The following OSBP variants were observed in gnomAD, a reference collection of about 807,000 sequenced individuals.
The protein encoded by OSBP is oxysterol-binding protein 1.
OSBP carries 32 observed loss-of-function variants against 96.6 expected under a neutral mutation model. The ratio of observed to expected loss-of-function variants is 0.33; its 90% CI spans 0.25 to 0.45. OSBP has a LOEUF of 0.45. OSBP is among the 20% of genes least tolerant of loss of function. The pLI is 1.00. For synonymous variants in OSBP, 369 were observed against 389.6 expected, an observed-to-expected ratio of 0.95 and a Z score of 0.62; for missense variants, 653 against 1,029.7, an observed-to-expected ratio of 0.63 and a Z score of 5.01.
At chr11:59,601,441 T>C in intron 4 of OSBP, 56 bp from the exon 5 acceptor site, 1 of 1,337,802 alleles carries the variant, frequency 7.5e-7, no homozygotes, top group Non-Finnish European at 1.1e-6. Context: ...AAATGTCTGA[T>C]ATAGCAAGTT....
chr11:59,598,909 T>C (rs1238571868), intron 7 of OSBP, among the ~76,000 whole-genome samples: 1 of 152,190 alleles, frequency 6.6e-6, no homozygotes, highest in East Asian at 1.9e-4. Context: ...CCTTAAATGG[T>C]ACAGCCTTTC....
chr11:59,607,100 G>GT (rs1403553077), intron 3 of OSBP, among the ~76,000 whole-genome samples: 2 of 151,888 alleles, frequency 1.3e-5, no homozygotes, highest in Non-Finnish European at 2.9e-5. Flanking sequence ...TTACATCAAG[G>GT]TAAAAAAAAA....
intron 3 of OSBP, 86 bp from the exon 4 acceptor site, chr11:59,601,924 C>T: frequency 1.6e-6 from 2 of 1,248,014 alleles, no homozygotes; most frequent in Non-Finnish European, 2.3e-6. Context: ...TAACCTTATT[C>T]TGGGAACTTT....
chr11:59,603,590 G>A (rs757297339), intron 3 of OSBP, among the ~76,000 whole-genome samples: 1 of 138,008 alleles, frequency 7.2e-6, no homozygotes, highest in Non-Finnish European at 1.5e-5. Context: ...AGGTTGGAGT[G>A]CAGTGGCACA....
intron 9 of OSBP, among the ~76,000 whole-genome samples, chr11:59,588,556 AT>A (rs1860532109): frequency 6.6e-6 from 1 of 150,412 alleles, no homozygotes; most frequent in African/African-American, 2.5e-5. Context: ...AAAAAAAATT[AT>A]TTTTTAATGT....
intron 9 of OSBP, among the ~76,000 whole-genome samples, chr11:59,582,241 C>T (rs1268997913): frequency 1.3e-5 from 2 of 152,216 alleles, no homozygotes; most frequent in African/African-American, 2.4e-5. Context: ...CCAGGCTCCA[C>T]CATGTGATTA....
At chr11:59,600,980 T>C (rs1254300359) in intron 5 of OSBP, 107 bp from the exon 6 acceptor site, 22 of 862,678 alleles carry the variant, frequency 2.6e-5, no homozygotes, top group East Asian at 2.5e-5. Flanking sequence ...TATAAACTTA[T>C]TGATGGGTGA....
rs753163572 is a variant in OSBP at position 59,578,350 on chromosome 11, G to T, written c.1879-20C>A. Reference sequence around the variant, plus strand: ...CGTCACCTGCAAGGGTGGAGAACAGGGCTTGGCTATATAGAATTCACTGTG... The same window carrying T: ...CGTCACCTGCAAGGGTGGAGAACAGTGCTTGGCTATATAGAATTCACTGTG... On this transcript the variant is annotated intron_variant, in intron 11 of 13. Transcript: ENST00000263847. 6.2e-7 allele frequency: 1 copy of T among 1,610,968 alleles called. No homozygotes were observed.
intron 9 of OSBP, among the ~76,000 whole-genome samples, chr11:59,590,963 ATTTTTGTT>A (rs908225271): frequency 7.2e-5 from 11 of 152,204 alleles, no homozygotes; most frequent in African/African-American, 2.4e-4. Context: ...GAAGATGGGG[ATTTTTGTT>A]TTGTTCACTT....
intron 9 of OSBP, 69 bp from the exon 10 acceptor site, chr11:59,581,623 A>T: frequency 1.3e-6 from 1 of 772,280 alleles, no homozygotes; most frequent in Non-Finnish European, 2.3e-6. Flanking sequence ...GCCTCAAAAC[A>T]GTAATGGATT....
intron 3 of OSBP, among the ~76,000 whole-genome samples, chr11:59,606,451 A>G (rs1860782191): frequency 6.6e-6 from 1 of 151,988 alleles, no homozygotes; most frequent in Admixed American, 6.5e-5. Flanking sequence ...AAAAAAACAC[A>G]TCTTCTCACT....
Position 59,610,596 on chromosome 11 carries a change from T to C in OSBP, c.363-7A>G. On this transcript the variant is annotated splice_region_variant and splice_polypyrimidine_tract_variant and intron_variant, in intron 1 of 13. Coordinates refer to ENST00000263847, the MANE Select transcript of OSBP (RefSeq NM_002556.3). ...TCTCATTTCTGCCTTTGATCTGTAA[T>C]AACAAGACAAAGACAATTTAAACAG... is the stretch of plus-strand genomic sequence containing the variant. 6.2e-7 allele frequency: 1 copy of C among 1,607,844 alleles called. No homozygotes were observed. Among genetic ancestry groups the C allele is most frequent in the Non-Finnish European group, 8.5e-7 (1 of 1,174,250 alleles).
intron 12 of OSBP, 40 bp downstream of exon 12, chr11:59,578,109 G>A: frequency 1.3e-6 from 2 of 1,593,594 alleles, no homozygotes; most frequent in South Asian, 1.1e-5. Context: ...CACAGTCAAG[G>A]TCAAAGTGGT....
chr11:59,577,930 A>G (rs1161705677), intron 12 of OSBP, among the ~76,000 whole-genome samples: 4 of 152,218 alleles, frequency 2.6e-5, no homozygotes, highest in African/African-American at 9.6e-5. Context: ...AGCACAAAGT[A>G]TTTTTTGTCA....
At chr11:59,604,000 T>A (rs1216350944) in intron 3 of OSBP, among the ~76,000 whole-genome samples, 2 of 152,198 alleles carry the variant, frequency 1.3e-5, no homozygotes, top group Non-Finnish European at 2.9e-5. Context: ...AATCTGTACA[T>A]GTCTTTCCAT....
intron 2 of OSBP, 68 bp from the exon 3 acceptor site, chr11:59,608,802 C>T (rs1860812740): frequency 1.3e-6 from 2 of 1,511,718 alleles, no homozygotes; most frequent in African/African-American, 2.7e-5. Flanking sequence ...CCTACCTACT[C>T]TGTCCAGAAA....
intron 7 of OSBP, among the ~76,000 whole-genome samples, chr11:59,596,770 T>C (rs963410418): frequency 1.3e-5 from 2 of 152,134 alleles, no homozygotes; most frequent in African/African-American, 2.4e-5. Context: ...TAGAGCCACG[T>C]AGGTGCGCCA....
intron 3 of OSBP, among the ~76,000 whole-genome samples, chr11:59,607,824 C>T (rs1304257807): frequency 6.6e-6 from 1 of 152,172 alleles, no homozygotes; most frequent in African/African-American, 2.4e-5. Context: ...ACAACAGCCA[C>T]CCAAGTTAGG....
Position 59,593,613 on chromosome 11 carries a change from T to C in OSBP, c.1669A>G (p.Met557Val). The stretch of plus-strand genomic sequence containing the variant: ...AAGATGGTAACCTTACCGAGGGGCA[T>C]AATGGAGAGGTATTTGCCTCGAAAC... ...SKFRGKYLSI[M>V]PLGTIHCIFH... Residue 557 changes from methionine (M) to valine (V), a missense_variant, in exon 9 of 14, where the codon ATG becomes GTG. Transcript: ENST00000263847. The C allele has an allele frequency of 6.2e-7, 1 of 1,613,950 alleles. No individual in the cohort carries two copies. Among genetic ancestry groups the C allele is most frequent in the Non-Finnish European group, 8.5e-7 (1 of 1,179,902 alleles).
Sources: allele counts gnomAD v4.1 joint callset (sites outside exome capture counted in the v4.1 genomes callset), GRCh38; gene constraint gnomAD v4.1.1; transcripts MANE v1.5; gene names NCBI Gene and HGNC (gene_info 2026-07-23, HGNC 2026-07-21).